TRABD2B: variants seen among roughly 807,000 people sequenced by gnomAD.
TRABD2B encodes the protein metalloprotease TIKI2.
A neutral mutation model predicts 40.1 loss-of-function variants in TRABD2B; 14 were observed. That is an observed-to-expected ratio of 0.35 (90% CI 0.23 to 0.55). TRABD2B has a LOEUF of 0.55. TRABD2B is among the 20% of genes least tolerant of loss of function. TRABD2B has a pLI of 0.90. For synonymous variants in TRABD2B, 263 were observed against 277.0 expected, an observed-to-expected ratio of 0.95 and a Z score of 0.50; for missense variants, 541 against 648.6, an observed-to-expected ratio of 0.83 and a Z score of 1.80.
intron 2 of TRABD2B, among the ~76,000 whole-genome samples, chr1:47,930,797 C>G (rs1017526215): frequency 3.9e-5 from 6 of 152,154 alleles, no homozygotes; most frequent in African/African-American, 1.2e-4. Context: ...CCTCCCTTTA[C>G]AGACAGGCAG....
chr1:47,995,661 G>A (rs1355806048), intron 1 of TRABD2B, among the ~76,000 whole-genome samples: 2 of 152,164 alleles, frequency 1.3e-5, no homozygotes, highest in African/African-American at 4.8e-5. Context: ...CCACTTGCAA[G>A]CTTTAGACCA....
intron 2 of TRABD2B, among the ~76,000 whole-genome samples, chr1:47,815,950 T>TG: frequency 6.6e-6 from 1 of 152,112 alleles, no homozygotes; most frequent in East Asian, 1.9e-4. Context: ...GCATATGTGT[T>TG]TGTTCTTGGT....
chr1:47,892,977 G>T (rs183221954), intron 2 of TRABD2B, among the ~76,000 whole-genome samples: 1 of 152,286 alleles, frequency 6.6e-6, no homozygotes, highest in Admixed American at 6.5e-5. Context: ...AAGGTAAGCT[G>T]GTGGGGAGTG....
At chr1:47,794,957 T>C (rs565655418) in intron 3 of TRABD2B, among the ~76,000 whole-genome samples, 197 bp from the exon 4 acceptor site, 1 of 152,234 alleles carries the variant, frequency 6.6e-6, no homozygotes, top group South Asian at 2.1e-4. Context: ...TTTGTAGAGA[T>C]TGAATCCCAC....
chr1:47,971,870 T>C (rs777666840), intron 2 of TRABD2B, among the ~76,000 whole-genome samples: 2 of 152,170 alleles, frequency 1.3e-5, no homozygotes, highest in Non-Finnish European at 2.9e-5. Flanking sequence ...TTAAATGTTA[T>C]AATAAGGATT....
At chr1:47,906,748 C>T (rs2124692983) in intron 2 of TRABD2B, among the ~76,000 whole-genome samples, 1 of 152,334 alleles carries the variant, frequency 6.6e-6, no homozygotes, top group African/African-American at 2.4e-5. Context: ...AGAATCTTGG[C>T]TAGGATGGCC....
chr1:47,860,561 T>C (rs1166776565), intron 2 of TRABD2B, among the ~76,000 whole-genome samples: 1 of 152,184 alleles, frequency 6.6e-6, no homozygotes, highest in South Asian at 2.1e-4. Context: ...CCTGGATTCC[T>C]GAATGACTTT....
At chr1:47,854,059 T>C (rs1044132647) in intron 2 of TRABD2B, among the ~76,000 whole-genome samples, 10 of 152,316 alleles carry the variant, frequency 6.6e-5, no homozygotes, top group African/African-American at 2.2e-4. Flanking sequence ...TATGACATAA[T>C]AGTTACAAGC....
chr1:47,940,696 G>A (rs1038402547), intron 2 of TRABD2B, among the ~76,000 whole-genome samples: 5 of 152,218 alleles, frequency 3.3e-5, no homozygotes, highest in African/African-American at 1.2e-4. Flanking sequence ...TTGCTGGACA[G>A]GACCTTGCCA....
intron 2 of TRABD2B, among the ~76,000 whole-genome samples, chr1:47,969,931 C>T (rs948921170): frequency 3.3e-5 from 5 of 152,136 alleles, no homozygotes; most frequent in South Asian, 4.2e-4. Flanking sequence ...CCTCCCCCAC[C>T]GCTCCTCACT....
chr1:47,821,133 T>A (rs555779685), intron 2 of TRABD2B, among the ~76,000 whole-genome samples: 1 of 152,288 alleles, frequency 6.6e-6, no homozygotes, highest in South Asian at 2.1e-4. Flanking sequence ...GCCTCCTGTT[T>A]CTCCCAGTAG....
chr1:47,839,285 G>A (rs553672756), intron 2 of TRABD2B, among the ~76,000 whole-genome samples: 2 of 152,078 alleles, frequency 1.3e-5, no homozygotes, highest in African/African-American at 2.4e-5. Context: ...GAGTGGGCAC[G>A]GGGACATATG....
intron 2 of TRABD2B, among the ~76,000 whole-genome samples, chr1:47,956,988 G>A (rs1164498862): frequency 2.0e-5 from 3 of 152,192 alleles, no homozygotes; most frequent in African/African-American, 4.8e-5. Flanking sequence ...ATACAACCGG[G>A]TGCCCCTCTG....
At chr1:47,847,170 C>T (rs942624558) in intron 2 of TRABD2B, among the ~76,000 whole-genome samples, 1 of 152,160 alleles carries the variant, frequency 6.6e-6, no homozygotes. Flanking sequence ...GGAGGCTGGG[C>T]CTGCCGCCAA....
chr1:47,916,124 G>A (rs953279717), intron 2 of TRABD2B, among the ~76,000 whole-genome samples: 5 of 142,498 alleles, frequency 3.5e-5, no homozygotes, highest in African/African-American at 1.0e-4. Context: ...ATGGCTGCTC[G>A]CCTGCTCCTC....
intron 2 of TRABD2B, among the ~76,000 whole-genome samples, chr1:47,855,863 C>T (rs1013693977): frequency 1.3e-5 from 2 of 152,220 alleles, no homozygotes; most frequent in Non-Finnish European, 2.9e-5. Flanking sequence ...ACCATGCTAA[C>T]ACCCTGATAC....
intron 2 of TRABD2B, among the ~76,000 whole-genome samples, chr1:47,913,756 G>A (rs1644793717): frequency 6.6e-6 from 1 of 152,118 alleles, no homozygotes; most frequent in African/African-American, 2.4e-5. Flanking sequence ...GTCCTTTCTA[G>A]TTGAAAACAT....
chr1:47,885,318 G>C (rs777328018), intron 2 of TRABD2B, among the ~76,000 whole-genome samples: 31 of 152,270 alleles, frequency 2.0e-4, no homozygotes, highest in Non-Finnish European at 4.0e-4. Flanking sequence ...CCCAGGCCAG[G>C]CTAGGTGTGT....
At chr1:47,791,652 G>A (rs1020220376) in intron 4 of TRABD2B, among the ~76,000 whole-genome samples, 13 of 152,144 alleles carry the variant, frequency 8.5e-5, no homozygotes, top group Admixed American at 3.3e-4. Context: ...TATGTCTTCA[G>A]GTCTCACTCC....
Sources: gnomAD v4.1 joint callset for allele counts (sites outside exome capture counted in the v4.1 genomes callset) on GRCh38, gnomAD v4.1.1 for gene constraint, MANE v1.5 for transcripts, NCBI Gene and HGNC (gene_info 2026-07-23, HGNC 2026-07-21) for gene names.